MYT1L: variants seen among roughly 807,000 people sequenced by gnomAD.
The protein encoded by MYT1L is myelin transcription factor 1-like protein.
MYT1L carries 12 observed loss-of-function variants against 126.7 expected under a neutral mutation model. The ratio of observed to expected loss-of-function variants is 0.09; its 90% CI spans 0.06 to 0.15. The LOEUF is 0.15. Ranked by LOEUF, MYT1L falls within the 10% of genes least tolerant of loss-of-function variation. The pLI is 1.00. For missense variants in MYT1L, 979 were observed against 1,585.2 expected, an observed-to-expected ratio of 0.62 and a Z score of 6.49; for synonymous variants, 541 against 604.2, an observed-to-expected ratio of 0.90 and a Z score of 1.53.
chr2:1,857,270 C>G (rs1057303014), intron 18 of MYT1L, among the ~76,000 whole-genome samples: 9 of 152,234 alleles, frequency 5.9e-5, no homozygotes, highest in Admixed American at 2.0e-4. Flanking sequence ...AATCTCTCAT[C>G]TTGATTGAGT....
At chr2:2,255,764 G>T (rs2094792980) in intron 2 of MYT1L, among the ~76,000 whole-genome samples, 2 of 152,142 alleles carry the variant, frequency 1.3e-5, no homozygotes, top group Non-Finnish European at 2.9e-5. Context: ...TAGACTGGCT[G>T]TTGTGAAACA....
intron 1 of MYT1L, among the ~76,000 whole-genome samples, chr2:2,294,296 C>T (rs901346405): frequency 6.6e-6 from 1 of 152,148 alleles, no homozygotes; most frequent in African/African-American, 2.4e-5. Context: ...GGCATCCTCT[C>T]AACTTATGCC....
At chr2:1,815,431 C>T (rs567765340) in intron 21 of MYT1L, among the ~76,000 whole-genome samples, 1 of 152,214 alleles carries the variant, frequency 6.6e-6, no homozygotes, top group Non-Finnish European at 1.5e-5. Flanking sequence ...GCTGTCAGCT[C>T]TACCCCAGCA....
intron 3 of MYT1L, among the ~76,000 whole-genome samples, chr2:2,135,974 C>CA (rs898648789): frequency 2.0e-5 from 3 of 152,112 alleles, no homozygotes; most frequent in Non-Finnish European, 4.4e-5. Flanking sequence ...GAAACCAACC[C>CA]AAATGTTCAT....
chr2:1,884,057 C>T (rs142050874), intron 18 of MYT1L: 1 of 152,332 alleles, frequency 6.6e-6, no homozygotes, highest in African/African-American at 2.4e-5. Flanking sequence ...GAGAGTTTAT[C>T]TGGAAAATTT....
At chr2:1,813,888 G>A (rs1255470106) in intron 21 of MYT1L, among the ~76,000 whole-genome samples, 4 of 108,402 alleles carry the variant, frequency 3.7e-5, no homozygotes, top group East Asian at 5.4e-4. Context: ...TTAGCCGGGC[G>A]TGGTAGCGGG....
At chr2:2,171,163 T>C (rs556452446) in intron 3 of MYT1L, among the ~76,000 whole-genome samples, 1 of 152,236 alleles carries the variant, frequency 6.6e-6, no homozygotes, top group African/African-American at 2.4e-5. Flanking sequence ...ATCTCTTTTT[T>C]CCCCTAACCA....
intron 2 of MYT1L, among the ~76,000 whole-genome samples, chr2:2,252,986 C>T (rs2094696091): frequency 1.3e-5 from 2 of 152,038 alleles, no homozygotes; most frequent in Admixed American, 1.3e-4. Context: ...AAAAAATAAA[C>T]CAAATTTCTA....
intron 4 of MYT1L, among the ~76,000 whole-genome samples, chr2:2,015,759 G>T (rs1443888725): frequency 6.6e-6 from 1 of 152,194 alleles, no homozygotes; most frequent in Non-Finnish European, 1.5e-5. Context: ...TCTGCCCCGG[G>T]TTCCAGGACA....
At chr2:2,211,541 C>G (rs774644987) in intron 2 of MYT1L, among the ~76,000 whole-genome samples, 34 of 152,104 alleles carry the variant, frequency 2.2e-4, no homozygotes, top group Non-Finnish European at 4.4e-4. Flanking sequence ...GGTGCAGTGG[C>G]TCATGCCTGT....
At chr2:2,042,198 G>GTA (rs982830385) in intron 4 of MYT1L, among the ~76,000 whole-genome samples, 1 of 152,198 alleles carries the variant, frequency 6.6e-6, no homozygotes, top group Non-Finnish European at 1.5e-5. Context: ...CTGCCCATCT[G>GTA]TAGGCTGATA....
intron 14 of MYT1L, among the ~76,000 whole-genome samples, chr2:1,901,691 T>C (rs2050359509): frequency 6.6e-6 from 1 of 152,240 alleles, no homozygotes; most frequent in Non-Finnish European, 1.5e-5. Flanking sequence ...ATTGTGTGTG[T>C]ATGTGTACTG....
intron 14 of MYT1L, among the ~76,000 whole-genome samples, chr2:1,897,462 TTG>T (rs965166663): frequency 6.6e-6 from 1 of 151,600 alleles, no homozygotes; most frequent in African/African-American, 2.4e-5. Flanking sequence ...TTTTTTTTTT[TTG>T]TTTGTTTGTT....
At chr2:2,251,316 C>CT (rs2149217732) in intron 2 of MYT1L, among the ~76,000 whole-genome samples, 1 of 152,240 alleles carries the variant, frequency 6.6e-6, no homozygotes, top group South Asian at 2.1e-4. Flanking sequence ...TGTATAATGA[C>CT]CTAGACGTGG....
intron 3 of MYT1L, among the ~76,000 whole-genome samples, chr2:2,103,266 C>T (rs923358667): frequency 7.9e-5 from 12 of 152,188 alleles, no homozygotes; most frequent in Admixed American, 7.2e-4. Flanking sequence ...ATTAATCATC[C>T]TTGGTCACAT....
chr2:2,177,202 A>G (rs762950489), intron 2 of MYT1L, among the ~76,000 whole-genome samples: 7 of 152,236 alleles, frequency 4.6e-5, no homozygotes, highest in Non-Finnish European at 7.3e-5. Context: ...AGTGTGAATG[A>G]AAATTTTCAA....
At chr2:1,861,048 G>T (rs147724889) in intron 18 of MYT1L, among the ~76,000 whole-genome samples, 1 of 152,082 alleles carries the variant, frequency 6.6e-6, no homozygotes, top group African/African-American at 2.4e-5. Context: ...AGAGGGAAGC[G>T]GCGACAATGG....
chr2:2,261,424 A>C (rs1033530119), intron 2 of MYT1L, among the ~76,000 whole-genome samples: 1 of 152,184 alleles, frequency 6.6e-6, no homozygotes, highest in African/African-American at 2.4e-5. Flanking sequence ...ATAGACACAA[A>C]ATTATCTGAA....
At chr2:1,987,471 G>A (rs1025421283) in intron 5 of MYT1L, among the ~76,000 whole-genome samples, 16 of 152,154 alleles carry the variant, frequency 1.1e-4, no homozygotes, top group South Asian at 4.1e-4. Flanking sequence ...GAGGGGCAGC[G>A]TTCCCATGGG....
Sources: gnomAD v4.1 joint callset for allele counts (sites outside exome capture counted in the v4.1 genomes callset) on GRCh38, gnomAD v4.1.1 for gene constraint, MANE v1.5 for transcripts, NCBI Gene and HGNC (gene_info 2026-07-23, HGNC 2026-07-21) for gene names.